Variants in GRK5 observed in about 807,000 individuals in gnomAD.
GRK5 encodes the protein G protein-coupled receptor kinase 5.
GRK5 carries 40 observed loss-of-function variants against 78.4 expected under a neutral mutation model. That is an observed-to-expected ratio of 0.51 (90% CI 0.40 to 0.66). The LOEUF (loss-of-function observed/expected upper bound fraction) is 0.66. Ranked by LOEUF, GRK5 falls within the 30% of genes least tolerant of loss-of-function variation. The pLI is 0.00. For synonymous variants in GRK5, 289 were observed against 296.8 expected, an observed-to-expected ratio of 0.97 and a Z score of 0.27; for missense variants, 598 against 759.9, an observed-to-expected ratio of 0.79 and a Z score of 2.50.
intron 2 of GRK5, among the ~76,000 whole-genome samples, chr10:119,335,401 T>C (rs1451495534): frequency 6.6e-6 from 1 of 151,918 alleles, no homozygotes; most frequent in African/African-American, 2.4e-5. Context: ...TCTCACTCTG[T>C]CCCCCAGGCT....
chr10:119,405,194 G>C (rs1852215765), intron 4 of GRK5, among the ~76,000 whole-genome samples: 1 of 152,142 alleles, frequency 6.6e-6, no homozygotes, highest in Non-Finnish European at 1.5e-5. Context: ...TCCCGGACAA[G>C]GGGGTGGACA....
chr10:119,287,199 G>A (rs906324772), intron 1 of GRK5, among the ~76,000 whole-genome samples: 3 of 99,438 alleles, frequency 3.0e-5, no homozygotes, highest in Non-Finnish European at 4.5e-5. Context: ...AGGAGGGAGA[G>A]AACAGGGAGA....
intron 1 of GRK5, among the ~76,000 whole-genome samples, chr10:119,216,578 G>T (rs1848577867): frequency 6.6e-6 from 1 of 152,258 alleles, no homozygotes; most frequent in Admixed American, 6.5e-5. Flanking sequence ...GGAGGCTGAG[G>T]CAGGAGGATT....
At chr10:119,454,946 G>A (rs371502956) in intron 15 of GRK5, 23 bp from the exon 16 acceptor site, 34 of 1,472,082 alleles carry the variant, frequency 2.3e-5, no homozygotes, top group African/African-American at 9.7e-5. Flanking sequence ...TCTCCACCCC[G>A]TCTCCCCCAA....
At chr10:119,300,062 T>TC (rs1271424496) in intron 1 of GRK5, among the ~76,000 whole-genome samples, 1 of 152,154 alleles carries the variant, frequency 6.6e-6, no homozygotes, top group Non-Finnish European at 1.5e-5. Flanking sequence ...TTCCCTGGCA[T>TC]CAAGCATTCC....
chr10:119,426,584 C>A (rs1852681070), intron 6 of GRK5, among the ~76,000 whole-genome samples: 1 of 152,216 alleles, frequency 6.6e-6, no homozygotes, highest in African/African-American at 2.4e-5. Flanking sequence ...AAGCACAACA[C>A]CTGCTGGAAC....
At chr10:119,279,613 G>T (rs368984787) in intron 1 of GRK5, among the ~76,000 whole-genome samples, 2 of 152,240 alleles carry the variant, frequency 1.3e-5, no homozygotes, top group Non-Finnish European at 2.9e-5. Flanking sequence ...AAAACGTGCC[G>T]TGGTTCTCAA....
At chr10:119,282,620 C>T (rs888585357) in intron 1 of GRK5, among the ~76,000 whole-genome samples, 19 of 152,214 alleles carry the variant, frequency 1.2e-4, no homozygotes, top group Admixed American at 4.6e-4. Context: ...TCAAGGCCCC[C>T]TGTGGGTCCA....
Position 119,378,702 on chromosome 10 carries a change from G to A in GRK5, c.149-2113G>A, listed in dbSNP as rs1021331620. Reference sequence around the variant, plus strand: ...TCCGTGGGCTCTCGCTGCGTGGGGGGAAGGCGGTCTCAGCAGCCCTCGGCT... The same window carrying A: ...TCCGTGGGCTCTCGCTGCGTGGGGGAAAGGCGGTCTCAGCAGCCCTCGGCT... On this transcript the variant is annotated intron_variant, in intron 2 of 15. Coordinates refer to ENST00000392870, the MANE Select transcript of GRK5 (RefSeq NM_005308.3). This position sits in a 1 kb window ranked among gnomAD's most constrained non-coding sequence, Gnocchi z 4.5. Among the ~76,000 whole-genome samples, 8 of 152,368 alleles carry A rather than the reference G, an allele frequency of 5.3e-5. No individual in the cohort carries two copies. Among genetic ancestry groups the A allele is most frequent in the African/African-American group, 1.2e-4 (5 of 41,594 alleles).
At position 119,380,705 on chromosome 10, in the gene GRK5, G is replaced by A. The variant is rs563969274; in HGVS notation, c.149-110G>A. 4.6e-6 allele frequency: 3 copies of A among 650,604 alleles called. No homozygotes were observed. The East Asian group carries it at 7.7e-5, about 17-fold the overall frequency. 40.3% of individuals were successfully genotyped at this position (650,604 alleles called of 1,614,324 possible). ...AAGAAGGCGTTCTGAGAGTTTGCCA[G>A]TCACCTTCCTCCATCCATCTAGGGC... is the stretch of plus-strand genomic sequence containing the variant. On this transcript the variant is annotated intron_variant, in intron 2 of 15. Transcript: ENST00000392870.
intron 1 of GRK5, among the ~76,000 whole-genome samples, chr10:119,275,613 G>GCACACACACACACACACACACACACA (rs796867686): frequency 8.3e-6 from 1 of 120,676 alleles, no homozygotes; most frequent in Admixed American, 8.6e-5. Context: ...TCTCTCTCTC[G>GCACACACACACACACACACACACACA]CACACACACA....
chr10:119,220,566 G>A (rs1218976674), intron 1 of GRK5, among the ~76,000 whole-genome samples: 8 of 152,294 alleles, frequency 5.3e-5, no homozygotes, highest in Admixed American at 5.2e-4. Context: ...GAGGCATGGT[G>A]GCTCATGCCT....
At chr10:119,418,593 G>A (rs1176497747) in intron 4 of GRK5, among the ~76,000 whole-genome samples, 1 of 152,204 alleles carries the variant, frequency 6.6e-6, no homozygotes, top group African/African-American at 2.4e-5. Flanking sequence ...CTCTGGCAGG[G>A]CCAGGCTGAG....
rs147918678 is a variant in GRK5 at position 119,452,081 on chromosome 10, A to G, written c.1405-590A>G. ...AGAGCAGGCCCCCAGTGCACAGCTG[A>G]GGGACGAGTAAGGCAAAAGATATGC... On this transcript the variant is annotated intron_variant, in intron 13 of 15. Coordinates refer to ENST00000392870, the MANE Select transcript of GRK5 (RefSeq NM_005308.3). The surrounding 1 kb of genome is among the most constrained non-coding windows in gnomAD (Gnocchi z 4.4). Among the ~76,000 whole-genome samples the G allele has an allele frequency of 1.9e-3, 282 of 152,270 alleles. No homozygotes were observed. Among genetic ancestry groups the G allele is most frequent in the African/African-American group, 6.5e-3 (269 of 41,566 alleles).
chr10:119,288,767 C>G (rs1225286455), intron 1 of GRK5, among the ~76,000 whole-genome samples: 1 of 152,232 alleles, frequency 6.6e-6, no homozygotes, highest in Non-Finnish European at 1.5e-5. Flanking sequence ...CCCTGCTGTT[C>G]CTCACCCACC....
chr10:119,394,192 A>ATCTGTGTG (rs1851945627), intron 3 of GRK5, among the ~76,000 whole-genome samples: 19 of 18,726 alleles, frequency 1.0e-3, no homozygotes, highest in Admixed American at 2.9e-3. Flanking sequence ...GTGTCTGTGT[A>ATCTGTGTG]TGGGGGTGTG....
intron 4 of GRK5, among the ~76,000 whole-genome samples, chr10:119,406,096 C>A (rs2133864591): frequency 6.6e-6 from 1 of 152,330 alleles, no homozygotes; most frequent in South Asian, 2.1e-4. Context: ...GACGGTAGCA[C>A]TGCCTGCGAC....
rs1852610275 is a variant in GRK5 at position 119,423,383 on chromosome 10, G to A, written c.440+117G>A. ...AGGTCTTCCATGCCTGACAGCTTCAGCCAAGTTATACCAACTGTTTGTATA... is the reference window on the plus strand; with the variant it reads ...AGGTCTTCCATGCCTGACAGCTTCAACCAAGTTATACCAACTGTTTGTATA... On this transcript the variant is annotated intron_variant, in intron 5 of 15. Coordinates refer to ENST00000392870, the MANE Select transcript of GRK5 (RefSeq NM_005308.3). The A allele has an allele frequency of 1.6e-5, 11 of 691,834 alleles. No individual in the cohort carries two copies. In the South Asian group the frequency reaches 1.7e-4, roughly 11 times the overall value. 42.9% of individuals were successfully genotyped at this position (691,834 alleles called of 1,614,324 possible).
intron 2 of GRK5, among the ~76,000 whole-genome samples, chr10:119,361,647 G>A (rs74940237): frequency 3.9e-5 from 6 of 152,132 alleles, no homozygotes; most frequent in Admixed American, 1.3e-4. Context: ...GCCCGGCAGT[G>A]GGGGAGGCGC....
Sources: allele counts gnomAD v4.1 joint callset (sites outside exome capture counted in the v4.1 genomes callset), GRCh38; gene constraint gnomAD v4.1.1; non-coding constraint Gnocchi (gnomAD v3.1); transcripts MANE v1.5; gene names NCBI Gene and HGNC (gene_info 2026-07-23, HGNC 2026-07-21).